Variants in HHAT observed in about 807,000 individuals in gnomAD.
HHAT encodes the protein hedgehog acyltransferase, also known as protein-cysteine N-palmitoyltransferase HHAT.
Under a neutral mutation model 70.8 loss-of-function variants are expected in HHAT, and 47 were observed. The observed-to-expected ratio is 0.66, with a 90% CI of 0.53 to 0.85. HHAT has a LOEUF of 0.85. Ranked by LOEUF, HHAT falls within the 40% of genes least tolerant of loss-of-function variation. The pLI, the probability that HHAT is intolerant of heterozygous loss-of-function variation, is 0.00. For missense variants in HHAT, 609 were observed against 604.8 expected (o/e 1.01, Z -0.07); for synonymous variants, 228 against 247.6 (o/e 0.92, Z 0.74).
chr1:210,485,480 C>G (rs77764419), intron 8 of HHAT, among the ~76,000 whole-genome samples: 1,726 of 152,240 alleles, frequency 0.011, 32 homozygotes, highest in African/African-American at 0.039. Flanking sequence ...ACCTCTCCCA[C>G]CAGCGACTCC....
intron 11 of HHAT, among the ~76,000 whole-genome samples, chr1:210,641,213 T>A (rs1222470535): frequency 6.6e-6 from 1 of 152,184 alleles, no homozygotes; most frequent in Non-Finnish European, 1.5e-5. Flanking sequence ...AGCACTTGTC[T>A]TCCTATTAGT....
intron 9 of HHAT, among the ~76,000 whole-genome samples, chr1:210,544,325 GTC>G (rs1274935872): frequency 6.7e-6 from 1 of 148,982 alleles, no homozygotes; most frequent in Non-Finnish European, 1.5e-5. Flanking sequence ...GGTTTAATAA[GTC>G]TCCAGGGTGT....
chr1:210,361,376 C>G (rs79156616), intron 2 of HHAT, among the ~76,000 whole-genome samples: 9,916 of 152,236 alleles, frequency 0.065, 360 homozygotes, highest in South Asian at 0.094. Context: ...ACAGAGAGGA[C>G]CAGTGCCCTA....
intron 3 of HHAT, among the ~76,000 whole-genome samples, chr1:210,377,913 G>A (rs1005794352): frequency 6.6e-6 from 1 of 152,346 alleles, no homozygotes; most frequent in African/African-American, 2.4e-5. Context: ...AGATGTTTCA[G>A]TAGGGACTTT....
At chr1:210,517,922 C>CAGCAGGATAACATCATG (rs752191689) in intron 9 of HHAT, among the ~76,000 whole-genome samples, 4 of 152,126 alleles carry the variant, frequency 2.6e-5, no homozygotes, top group African/African-American at 7.2e-5. Flanking sequence ...CAGTAGTTTT[C>CAGCAGGATAACATCATG]AGCAGGATAA....
At chr1:210,382,544 CAGAG>C (rs1461477685) in intron 3 of HHAT, among the ~76,000 whole-genome samples, 2 of 152,098 alleles carry the variant, frequency 1.3e-5, no homozygotes, top group Non-Finnish European at 2.9e-5. Context: ...TTCTTGCTCT[CAGAG>C]AGATCCATTT....
chr1:210,554,684 G>A (rs1279660666), intron 9 of HHAT, among the ~76,000 whole-genome samples: 1 of 152,198 alleles, frequency 6.6e-6, no homozygotes, highest in Non-Finnish European at 1.5e-5. Flanking sequence ...AACCAGGAAA[G>A]TGGGGTTTCC....
At chr1:210,672,362 C>T (rs950936132) in intron 11 of HHAT, among the ~76,000 whole-genome samples, 4 of 152,220 alleles carry the variant, frequency 2.6e-5, no homozygotes, top group Admixed American at 6.5e-5. Context: ...GTCTGCCTGC[C>T]TCCTCCCTAT....
At chr1:210,596,569 T>C (rs1429351757) in intron 10 of HHAT, among the ~76,000 whole-genome samples, 8 of 151,798 alleles carry the variant, frequency 5.3e-5, no homozygotes, top group Non-Finnish European at 1.0e-4. Context: ...AGTGTGCTAA[T>C]TCTTTCTTCT....
chr1:210,330,404 G>A (rs1046355191), intron 1 of HHAT, among the ~76,000 whole-genome samples: 2 of 152,192 alleles, frequency 1.3e-5, no homozygotes, highest in South Asian at 2.1e-4. Context: ...TTCACAGTAG[G>A]ATAGAGAAAG....
intron 9 of HHAT, among the ~76,000 whole-genome samples, chr1:210,580,701 A>G (rs1414859819): frequency 1.3e-5 from 2 of 152,046 alleles, no homozygotes; most frequent in South Asian, 4.2e-4. Flanking sequence ...AGTATTCCAC[A>G]CATTTTCTTC....
In HHAT at chr1:210,340,940, G is replaced by A. The variant is rs78445368; in HGVS notation, c.-43-7993G>A. Among the ~76,000 whole-genome samples the A allele has an allele frequency of 2.6e-3, 394 of 152,232 alleles. 13 individuals carry two copies. In the East Asian group the frequency reaches 0.061, roughly 24 times the overall value. The stretch of plus-strand genomic sequence containing the variant: ...GCTTACCAGCTGTGTGATTTGGGGC[G>A]GGTTTACTTATCCTTTCTGGGCCTT... On this transcript the variant is annotated intron_variant, in intron 1 of 11. Transcript: ENST00000261458.
intron 7 of HHAT, among the ~76,000 whole-genome samples, chr1:210,427,835 C>T (rs1192487475): frequency 6.6e-6 from 1 of 151,976 alleles, no homozygotes; most frequent in African/African-American, 2.4e-5. Flanking sequence ...GTGCTGAGTT[C>T]AGGTCCTAAA....
intron 9 of HHAT, among the ~76,000 whole-genome samples, chr1:210,569,449 CTCATT>C (rs1261472507): frequency 4.7e-5 from 7 of 148,088 alleles, no homozygotes; most frequent in Non-Finnish European, 1.0e-4. Flanking sequence ...TTGAGAAAGG[CTCATT>C]TCATTTCTTT....
At chr1:210,330,206 C>T (rs922331081) in intron 1 of HHAT, among the ~76,000 whole-genome samples, 6 of 152,152 alleles carry the variant, frequency 3.9e-5, no homozygotes, top group African/African-American at 1.4e-4. Context: ...GTTCCATTTT[C>T]CCTGTGATTT....
At position 210,349,116 on chromosome 1, in the gene HHAT, CA is replaced by C. The variant is rs759221152; in HGVS notation, c.91+57del. On this transcript the variant is annotated intron_variant, in intron 2 of 11. Coordinates refer to ENST00000261458, the MANE Select transcript of HHAT (RefSeq NM_018194.6). ...TCCTATCAAACAAGGAAACTCCTGT[CA>C]AAAAAAGGAGCAGAGGTGGAAGATT... 1.2e-5 allele frequency: 19 copies of C among 1,573,552 alleles called. No homozygotes were observed. The Admixed American group carries it at 2.0e-4, about 17-fold the overall frequency.
intron 1 of HHAT, among the ~76,000 whole-genome samples, chr1:210,338,866 G>C (rs925530156): frequency 1.3e-5 from 2 of 152,128 alleles, no homozygotes; most frequent in African/African-American, 4.8e-5. Flanking sequence ...AGAAATACGG[G>C]GTAGATTTCA....
At chr1:210,457,400 T>C (rs559638886) in intron 7 of HHAT, among the ~76,000 whole-genome samples, 2 of 151,894 alleles carry the variant, frequency 1.3e-5, no homozygotes. Context: ...TTAAGCAAAA[T>C]CTAGAGTAGG....
At chr1:210,514,348 G>T (rs2095016348) in intron 9 of HHAT, among the ~76,000 whole-genome samples, 1 of 152,158 alleles carries the variant, frequency 6.6e-6, no homozygotes, top group South Asian at 2.1e-4. Context: ...CTTCGACACA[G>T]CAAGGATAAA....
Sources: allele counts gnomAD v4.1 joint callset (sites outside exome capture counted in the v4.1 genomes callset), GRCh38; gene constraint gnomAD v4.1.1; transcripts MANE v1.5; gene names NCBI Gene and HGNC (gene_info 2026-07-23, HGNC 2026-07-21).